Variants in SETD1B observed in about 807,000 individuals in gnomAD.
SETD1B encodes the protein histone-lysine N-methyltransferase SETD1B.
Under a neutral mutation model 148.0 loss-of-function variants are expected in SETD1B, and 7 were observed. The observed-to-expected ratio is 0.05, with a 90% CI of 0.03 to 0.09. The LOEUF is 0.09. Among genes scored for constraint, SETD1B ranks in the 10% least tolerant of loss-of-function variants. The pLI, the probability that SETD1B is intolerant of heterozygous loss-of-function variation, is 1.00. For synonymous variants in SETD1B, 1,361 were observed against 1,186.5 expected, an observed-to-expected ratio of 1.15 and a Z score of -3.02; for missense variants, 2,155 against 2,729.9, an observed-to-expected ratio of 0.79 and a Z score of 4.69.
chr12:121,829,689 A>G (rs1466838886), intron 16 of SETD1B, among the ~76,000 whole-genome samples: 4 of 152,224 alleles, frequency 2.6e-5, no homozygotes, highest in Non-Finnish European at 4.4e-5. Flanking sequence ...ATGCAAATGA[A>G]TGGGAGAATG....
upstream of SETD1B, chr12:121,799,741 C>CGGGGGGGGCGG (rs1276594272): frequency 3.8e-5 from 1 of 26,624 alleles, no homozygotes; most frequent in Non-Finnish European, 8.2e-5. Context: ...TGGGGTGGGG[C>CGGGGGGGGCGG]GGGGCCGCAG....
In SETD1B at chr12:121,814,475, C is replaced by A; in HGVS notation, c.2260C>A (p.Pro754Thr). 1 of 1,455,582 alleles carries A rather than the reference C, an allele frequency of 6.9e-7. No homozygotes were observed. Among genetic ancestry groups the A allele is most frequent in the Non-Finnish European group, 9.1e-7 (1 of 1,100,338 alleles). 90.2% of individuals were successfully genotyped at this position (1,455,582 alleles called of 1,614,324 possible). A position where few individuals can be genotyped will look rare whatever the true frequency, so the allele number is the denominator to read the frequency against. Reference sequence around the variant, plus strand: ...GCCCCCCTTTCCGCCGGGCCTGTTCCCTGTGATGCAGGTGGACATGAGCCA... The same window carrying A: ...GCCCCCCTTTCCGCCGGGCCTGTTCACTGTGATGCAGGTGGACATGAGCCA... Reference protein sequence around the residue: ...PLPPFPPGLFPVMQVDMSHVL... With the variant: ...PLPPFPPGLFTVMQVDMSHVL... Residue 754 changes from proline (P) to threonine (T), a missense_variant, in exon 7 of 17, where the codon CCT (proline) becomes ACT (threonine). Pro to Thr is a conservative substitution (Grantham distance 38, BLOSUM62 -1). Transcript: ENST00000604567.
At chr12:121,829,047 A>C (rs1007758723) in intron 16 of SETD1B, among the ~76,000 whole-genome samples, 7 of 149,906 alleles carry the variant, frequency 4.7e-5, no homozygotes, top group African/African-American at 1.7e-4. Flanking sequence ...AGTTGGGAGA[A>C]CACCTGTTTG....
chr12:121,814,565 C>T lies in SETD1B; in HGVS notation c.2350C>T (p.Arg784Trp). ...CCAGATGCAAACGCAGGTGCTCAGCCGGCTGATGACGGGCCAGGGCGCCTG... is the reference window on the plus strand; with the variant it reads ...CCAGATGCAAACGCAGGTGCTCAGCTGGCTGATGACGGGCCAGGGCGCCTG... ...SFQMQTQVLS[R>W]LMTGQGACPY... is the part of the protein sequence containing the mutation. The change falls in exon 7 of 17, where the codon CGG (arginine) becomes TGG (tryptophan). Residue 784 changes from arginine (R) to tryptophan (W), a missense_variant. Physicochemically the swap from Arg to Trp is moderately radical, Grantham distance 101. Transcript: ENST00000604567. 6.6e-7 allele frequency: 1 copy of T among 1,504,996 alleles called. No individual in the cohort carries two copies. Among genetic ancestry groups the T allele is most frequent in the Non-Finnish European group, 8.9e-7 (1 of 1,122,084 alleles). The allele number at this position is 1,504,996 out of a possible 1,614,324, so 93.2% of individuals were successfully genotyped here.
At chr12:121,824,888 G>A (rs774121623) in intron 12 of SETD1B, among the ~76,000 whole-genome samples, 18 of 150,290 alleles carry the variant, frequency 1.2e-4, no homozygotes, top group South Asian at 6.3e-4. Context: ...GGTGGCGCAC[G>A]CCTGTAGCCC....
rs1566551388 is a variant in SETD1B, at chr12:121,814,311, C to G, written c.2096C>G (p.Pro699Arg). 1.6e-6 allele frequency: 2 copies of G among 1,213,944 alleles called. No individual in the cohort carries two copies. Among genetic ancestry groups the G allele is most frequent in the Non-Finnish European group, 2.2e-6 (2 of 892,012 alleles). The allele number at this position is 1,213,944 out of a possible 1,614,324, so 75.2% of individuals were successfully genotyped here. A position where few individuals can be genotyped will look rare whatever the true frequency, so the allele number is the denominator to read the frequency against. ...PLPPPPPPPP[P>R]QPGFPMPPPL... ...CCCCCCCCACCACCACCACCCCCAC[C>G]GCAGCCTGGCTTCCCCATGCCCCCA... Residue 699 changes from proline to arginine, a missense_variant, in exon 7 of 17, where the codon CCG (proline) becomes CGG (arginine). Transcript: ENST00000604567.
At position 121,805,570 on chromosome 12, in the gene SETD1B, G is replaced by A. The variant is rs1048136871; in HGVS notation, c.274-265G>A. On this transcript the variant is annotated intron_variant, in intron 3 of 16. Transcript: ENST00000604567. This position sits in a 1 kb window ranked among gnomAD's most constrained non-coding sequence, Gnocchi z 4.2. ...AGAGAAGGCCAGAAAGGGGGGTGGG[G>A]AAAGAGAAACTGTTTCTTTTTCCCC... 1.3e-5 allele frequency among the ~76,000 whole-genome samples: 2 copies of A among 152,146 alleles called. No homozygotes were observed. Among genetic ancestry groups the A allele is most frequent in the South Asian group, 2.1e-4 (1 of 4,822 alleles).
the SETD1B span, chr12:121,793,850 C>T: frequency 6.9e-6 from 3 of 436,122 alleles, no homozygotes; most frequent in Non-Finnish European, 1.2e-5. Flanking sequence ...TACTGCAGCA[C>T]CGGAAAAACG....
chr12:121,829,868 T>G (rs1877010241), intron 16 of SETD1B, among the ~76,000 whole-genome samples, 198 bp from the exon 17 acceptor site: 1 of 152,142 alleles, frequency 6.6e-6, no homozygotes, highest in East Asian at 1.9e-4. Flanking sequence ...GAAATAATTT[T>G]TATCATCATT....
intron 11 of SETD1B, among the ~76,000 whole-genome samples, chr12:121,821,943 G>C (rs534421742): frequency 6.6e-6 from 1 of 152,110 alleles, no homozygotes; most frequent in South Asian, 2.1e-4. Flanking sequence ...TTAGCTGGGC[G>C]TGGTGGCACA....
chr12:121,827,720 TC>T lies in SETD1B; in HGVS notation c.5470-14del, dbSNP rs1276620951. 6.4e-7 allele frequency: 1 copy of T among 1,551,656 alleles called. No individual in the cohort carries two copies. Among genetic ancestry groups the T allele is most frequent in the East Asian group, 2.4e-5 (1 of 40,932 alleles). On this transcript the variant is annotated splice_polypyrimidine_tract_variant and intron_variant, in intron 14 of 16. Transcript: ENST00000604567. ...TGAGACCGGGGCTCACCTCTCCCCC[TC>T]TTCCCTCCCACAGTTCCGGAAGAAA...
At chr12:121,797,906 G>C in the SETD1B span, 1 of 327,340 alleles carries the variant, frequency 3.1e-6, no homozygotes, top group Admixed American at 4.3e-5. Flanking sequence ...TTGGGCAGCG[G>C]GGAGTCTGGG....
chr12:121,808,955 C>T lies in SETD1B; in HGVS notation c.657+635C>T, dbSNP rs1453886042. 6.6e-6 allele frequency among the ~76,000 whole-genome samples: 1 copy of T among 152,204 alleles called. No individual in the cohort carries two copies. The highest frequency in any genetic ancestry group is 1.5e-5 in the Non-Finnish European group (1 of 68,038). ...TGCGATCTCAGCTCACTGCAAGCTC[C>T]ACCTCCTGGGCTCAAGTGATTCTCT... On this transcript the variant is annotated intron_variant, in intron 5 of 16. Transcript: ENST00000604567. This position sits in a 1 kb window ranked among gnomAD's most constrained non-coding sequence, Gnocchi z 5.3.
the SETD1B span, chr12:121,797,242 CG>C: frequency 5.5e-6 from 2 of 360,440 alleles, no homozygotes; most frequent in Non-Finnish European, 1.1e-5. Flanking sequence ...GCGGAGAGGC[CG>C]GAAGAGGCGG....
At position 121,805,969 on chromosome 12, in the gene SETD1B, C is replaced by T. The variant is rs374648258; in HGVS notation, c.408C>T (p.Tyr136=). Residue 136 remains tyrosine, a synonymous_variant, in exon 4 of 17, where the codon TAC becomes TAT. Coordinates refer to ENST00000604567, the MANE Select transcript of SETD1B (RefSeq NM_001353345.2). The surrounding 1 kb of genome is among the most constrained non-coding windows in gnomAD (Gnocchi z 4.2). ...AGGTGGAGGAGGTGGAGATTTTGTA[C>T]AACCCCAAGACCAAGAAGCACCTGG... The part of the protein sequence containing the change: ...YGEVEEVEIL[Y]NPKTKKHLGI... The T allele has an allele frequency of 7.3e-5, 114 of 1,551,554 alleles. No homozygotes were observed. The highest frequency in any genetic ancestry group is 9.6e-5 in the Non-Finnish European group (110 of 1,146,998).
the SETD1B span, chr12:121,794,079 G>GC: frequency 1.9e-5 from 3 of 161,530 alleles, no homozygotes; most frequent in Non-Finnish European, 4.0e-5. Context: ...GGTTCGAGAA[G>GC]CCCCCGGCCT....
intron 10 of SETD1B, among the ~76,000 whole-genome samples, 183 bp downstream of exon 10, chr12:121,818,087 G>C (rs1457535603): frequency 6.6e-6 from 1 of 152,188 alleles, no homozygotes; most frequent in African/African-American, 2.4e-5. Context: ...GAACATAATG[G>C]CATGTCCATA....
chr12:121,793,604 G>A, the SETD1B span: 5 of 1,550,976 alleles, frequency 3.2e-6, no homozygotes, highest in East Asian at 2.4e-5. Context: ...CGGGGGCGGC[G>A]GTCTGGGCCA....
At chr12:121,812,710 G>A (rs1359466200) in intron 6 of SETD1B, among the ~76,000 whole-genome samples, 1 of 152,090 alleles carries the variant, frequency 6.6e-6, no homozygotes, top group Non-Finnish European at 1.5e-5. Context: ...ACCCGAGCCC[G>A]TCTGTCTCTT....
Sources: allele counts gnomAD v4.1 joint callset (sites outside exome capture counted in the v4.1 genomes callset), GRCh38; gene constraint gnomAD v4.1.1; non-coding constraint Gnocchi (gnomAD v3.1); transcripts MANE v1.5; gene names NCBI Gene and HGNC (gene_info 2026-07-23, HGNC 2026-07-21).